The following WWP1 variants were observed in gnomAD, a reference collection of about 807,000 sequenced individuals.
WWP1 encodes the protein WW domain containing E3 ubiquitin protein ligase 1.
Under a neutral mutation model 130.6 loss-of-function variants are expected in WWP1, and 49 were observed. That is an observed-to-expected ratio of 0.38 (90% CI 0.30 to 0.48). The LOEUF is 0.48. Ranked by LOEUF, WWP1 falls within the 20% of genes least tolerant of loss-of-function variation. The pLI is 0.99. For missense variants in WWP1, 809 were observed against 1,100.6 expected (o/e 0.74, Z 3.75); for synonymous variants, 332 against 367.8 (o/e 0.90, Z 1.11).
At chr8:86,380,004 A>G (rs1291561559) in intron 3 of WWP1, among the ~76,000 whole-genome samples, 2 of 152,246 alleles carry the variant, frequency 1.3e-5, no homozygotes, top group Non-Finnish European at 2.9e-5. Context: ...GTTCTACTCC[A>G]AAGTATATGC....
chr8:86,377,129 A>G (rs1028333175), intron 3 of WWP1, among the ~76,000 whole-genome samples: 1 of 152,098 alleles, frequency 6.6e-6, no homozygotes, highest in African/African-American at 2.4e-5. Flanking sequence ...TCTGTTGCCC[A>G]GGCTGGAGTG....
chr8:86,409,155 T>C (rs568700686), intron 8 of WWP1, among the ~76,000 whole-genome samples: 2 of 152,032 alleles, frequency 1.3e-5, no homozygotes, highest in South Asian at 4.2e-4. Flanking sequence ...TAATCAATAC[T>C]GAATTGGCTT....
intron 1 of WWP1, chr8:86,343,368 C>G (rs1288637417): frequency 6.6e-6 from 1 of 152,230 alleles, no homozygotes; most frequent in African/African-American, 2.4e-5. Flanking sequence ...TTTGGAACGT[C>G]TTTTTCTGAC....
At chr8:86,407,276 C>A (rs1389851772) in intron 8 of WWP1, among the ~76,000 whole-genome samples, 1 of 152,098 alleles carries the variant, frequency 6.6e-6, no homozygotes, top group Non-Finnish European at 1.5e-5. Context: ...TTTATCTGTT[C>A]AATCTTTCTT....
At chr8:86,425,182 G>T in intron 9 of WWP1, 41 bp from the exon 10 acceptor site, 4 of 1,520,474 alleles carry the variant, frequency 2.6e-6, no homozygotes, top group Non-Finnish European at 3.6e-6. Flanking sequence ...GATTGTCCTA[G>T]TGTGTTGTCT....
intron 8 of WWP1, among the ~76,000 whole-genome samples, chr8:86,409,193 G>T (rs914974570): frequency 1.4e-5 from 2 of 139,298 alleles, no homozygotes; most frequent in Non-Finnish European, 3.2e-5. Context: ...TTGTTTTGTT[G>T]CTGATTTTAA....
intron 10 of WWP1, among the ~76,000 whole-genome samples, chr8:86,426,975 A>G (rs1321574078): frequency 6.6e-6 from 1 of 152,088 alleles, no homozygotes; most frequent in Non-Finnish European, 1.5e-5. Context: ...ATCCTGGCCA[A>G]CGTGGTGAAA....
At chr8:86,449,723 C>T (rs530571183) in intron 20 of WWP1, among the ~76,000 whole-genome samples, 2 of 152,332 alleles carry the variant, frequency 1.3e-5, no homozygotes, top group South Asian at 4.1e-4. Flanking sequence ...CTACCATTTT[C>T]ACCCTCTTAG....
In WWP1 at chr8:86,398,620, C is replaced by G. The variant is rs1756329657; in HGVS notation, c.521C>G (p.Ser174Ter). 6.2e-7 allele frequency: 1 copy of G among 1,612,326 alleles called. No homozygotes were observed. The highest frequency in any genetic ancestry group is 8.5e-7 in the Non-Finnish European group (1 of 1,179,770). ...GDALHENGEP[S>*]ARTTARLAVE... ...GCCTTACATGAAAATGGAGAGCCTT[C>G]AGCAAGGACAACTGCCAGGTAGAAT... The change falls in exon 7 of 25, where the codon TCA becomes TGA. Residue 174 changes from serine to a stop codon, truncating the protein, a stop_gained. Transcript: ENST00000517970. LOFTEE classifies it high-confidence loss of function.
chr8:86,383,893 C>T (rs1294189781), intron 5 of WWP1, among the ~76,000 whole-genome samples: 5 of 152,138 alleles, frequency 3.3e-5, no homozygotes, highest in East Asian at 1.9e-4. Flanking sequence ...CCTAAGAAGT[C>T]GGTAAATTAG....
At chr8:86,365,512 A>C (rs376058209) in intron 1 of WWP1, among the ~76,000 whole-genome samples, 5 of 152,322 alleles carry the variant, frequency 3.3e-5, no homozygotes, top group Admixed American at 6.5e-5. Flanking sequence ...AGATATTGCA[A>C]GTACTCTTCA....
At chr8:86,345,734 AGAAC>A (rs1320442883) in intron 1 of WWP1, among the ~76,000 whole-genome samples, 1 of 152,146 alleles carries the variant, frequency 6.6e-6, no homozygotes, top group Non-Finnish European at 1.5e-5. Context: ...TTAAAACAGT[AGAAC>A]CTTCAGGTTC....
At chr8:86,444,966 G>A (rs1810779724) in intron 18 of WWP1, among the ~76,000 whole-genome samples, 2 of 152,116 alleles carry the variant, frequency 1.3e-5, no homozygotes, top group South Asian at 4.2e-4. Flanking sequence ...TGTGCAGGCT[G>A]TACAAGAAGC....
intron 7 of WWP1, among the ~76,000 whole-genome samples, chr8:86,399,233 G>A (rs2130490959): frequency 6.6e-6 from 1 of 152,204 alleles, no homozygotes. Context: ...CCGCTCTCTG[G>A]ATTGGCATTA....
At chr8:86,454,281 T>C (rs1485963787) in intron 21 of WWP1, among the ~76,000 whole-genome samples, 1 of 152,160 alleles carries the variant, frequency 6.6e-6, no homozygotes, top group Non-Finnish European at 1.5e-5. Flanking sequence ...TTATACTATA[T>C]TTTTAATTTT....
At chr8:86,399,969 C>G (rs1807878147) in intron 7 of WWP1, among the ~76,000 whole-genome samples, 1 of 152,082 alleles carries the variant, frequency 6.6e-6, no homozygotes, top group Non-Finnish European at 1.5e-5. Flanking sequence ...CTGTTTGATG[C>G]CAGACATTAG....
intron 24 of WWP1, among the ~76,000 whole-genome samples, chr8:86,462,211 GTACTC>G (rs1468892676): frequency 6.6e-6 from 1 of 152,146 alleles, no homozygotes; most frequent in African/African-American, 2.4e-5. Context: ...AAAAATGAGA[GTACTC>G]TAACAGAGAA....
intron 3 of WWP1, among the ~76,000 whole-genome samples, chr8:86,375,871 G>T (rs1824616799): frequency 6.6e-6 from 1 of 152,122 alleles, no homozygotes; most frequent in South Asian, 2.1e-4. Context: ...GCACCATTTT[G>T]TGTCTACACC....
intron 5 of WWP1, among the ~76,000 whole-genome samples, chr8:86,389,105 T>A (rs561137540): frequency 6.6e-6 from 1 of 152,246 alleles, no homozygotes; most frequent in African/African-American, 2.4e-5. Flanking sequence ...AAATAAACAT[T>A]TATTGAGTTT....
Sources: allele counts gnomAD v4.1 joint callset (sites outside exome capture counted in the v4.1 genomes callset), GRCh38; gene constraint gnomAD v4.1.1; transcripts MANE v1.5; gene names NCBI Gene and HGNC (gene_info 2026-07-23, HGNC 2026-07-21).